PRRC2B: variants seen among roughly 807,000 people sequenced by gnomAD.
PRRC2B encodes proline rich coiled-coil 2B.
In PRRC2B, 68 loss-of-function variants were observed where a neutral mutation model predicts 242.3. That is an observed-to-expected ratio of 0.28 (90% CI 0.23 to 0.34). The LOEUF (loss-of-function observed/expected upper bound fraction) is 0.34. Among genes scored for constraint, PRRC2B ranks in the 10% least tolerant of loss-of-function variants. The pLI is 1.00. For missense variants in PRRC2B, 2,835 were observed against 2,954.8 expected, an observed-to-expected ratio of 0.96 and a Z score of 0.94; for synonymous variants, 1,228 against 1,173.6, an observed-to-expected ratio of 1.05 and a Z score of -0.95.
intron 28 of PRRC2B, 44 bp downstream of exon 28, chr9:131,488,140 C>T (rs768034567): frequency 3.7e-5 from 58 of 1,573,104 alleles, no homozygotes; most frequent in Non-Finnish European, 4.8e-5. Flanking sequence ...GGCTTCTTTC[C>T]TTCACGACCT....
At chr9:131,393,110 A>C (rs1836932677), upstream of PRRC2B, among the ~76,000 whole-genome samples, 1 of 152,158 alleles carries the variant, frequency 6.6e-6, no homozygotes, top group Admixed American at 6.6e-5. Context: ...TTCTGGGTCC[A>C]GCAGTGTGGC....
chr9:131,459,893 TG>T (rs1212982651), intron 11 of PRRC2B, among the ~76,000 whole-genome samples: 1 of 145,736 alleles, frequency 6.9e-6, no homozygotes, highest in African/African-American at 2.6e-5. Flanking sequence ...TCACACAGTT[TG>T]CAAGGCTGAG....
Position 131,484,994 on chromosome 9 carries a change from A to G in PRRC2B, c.5612A>G (p.Glu1871Gly). 6.2e-7 allele frequency: 1 copy of G among 1,613,576 alleles called. No individual in the cohort carries two copies. Among genetic ancestry groups the G allele is most frequent in the Non-Finnish European group, 8.5e-7 (1 of 1,179,720 alleles). Residue 1871 changes from glutamate (E) to glycine (G), a missense_variant, in exon 25 of 32, where the codon GAG (glutamate) becomes GGG (glycine). By Grantham distance (98) the Glu-to-Gly change is moderately conservative. Transcript: ENST00000683519. Reference sequence around the variant, plus strand: ...TGGGAAAACTCCCCCAGTTTGCCGGAGCAGAGCTCTCCAGGCGGCGCTGGC... The same window carrying G: ...TGGGAAAACTCCCCCAGTTTGCCGGGGCAGAGCTCTCCAGGCGGCGCTGGC... ...KAWENSPSLP[E>G]QSSPGGAGSG...
chr9:131,469,652 C>T (rs552214836), intron 13 of PRRC2B, among the ~76,000 whole-genome samples: 4 of 152,266 alleles, frequency 2.6e-5, no homozygotes, highest in Admixed American at 6.5e-5. Context: ...TGCTGGAGGC[C>T]GTTTGGGTGT....
At chr9:131,470,628 G>T (rs1042802992) in intron 13 of PRRC2B, among the ~76,000 whole-genome samples, 160 bp from the exon 14 acceptor site, 3 of 152,062 alleles carry the variant, frequency 2.0e-5, no homozygotes, top group African/African-American at 7.2e-5. Flanking sequence ...ACACACTGGG[G>T]GCTTCCCCTT....
chr9:131,442,245 G>A (rs956441478), intron 5 of PRRC2B, among the ~76,000 whole-genome samples: 2 of 151,796 alleles, frequency 1.3e-5, no homozygotes, highest in Non-Finnish European at 2.9e-5. Context: ...CAATCTTCCC[G>A]CCTCAGCCTC....
At position 131,458,510 on chromosome 9, in the gene PRRC2B, T is replaced by A. The variant is rs368286476; in HGVS notation, c.1212-654T>A. 8.4e-4 allele frequency among the ~76,000 whole-genome samples: 128 copies of A among 152,274 alleles called. 1 individual carries two copies. The East Asian group carries it at 0.015, about 17-fold the overall frequency. Reference sequence around the variant, plus strand: ...ACCTCATAATGTGTTTTTATTTTTTTTTTTTTCTGAGACGGAGTCTCTCTC... The same window carrying A: ...ACCTCATAATGTGTTTTTATTTTTTATTTTTTCTGAGACGGAGTCTCTCTC... On this transcript the variant is annotated intron_variant, in intron 10 of 31. Coordinates refer to ENST00000683519, the MANE Select transcript of PRRC2B (RefSeq NM_013318.4).
At chr9:131,408,495 C>G (rs960039630) in intron 1 of PRRC2B, among the ~76,000 whole-genome samples, 1 of 152,096 alleles carries the variant, frequency 6.6e-6, no homozygotes, top group African/African-American at 2.4e-5. Context: ...GTATTTTTAT[C>G]TTTTAATTTT....
intron 5 of PRRC2B, 83 bp from the exon 6 acceptor site, chr9:131,444,094 AGGCAACAC>A: frequency 2.0e-6 from 3 of 1,463,830 alleles, no homozygotes; most frequent in Non-Finnish European, 1.9e-6. Flanking sequence ...GCCCACTTCC[AGGCAACAC>A]GGCTTTCAAG....
At chr9:131,456,085 C>A (rs976573573) in intron 10 of PRRC2B, among the ~76,000 whole-genome samples, 1 of 151,606 alleles carries the variant, frequency 6.6e-6, no homozygotes, top group Admixed American at 6.6e-5. Flanking sequence ...TGTACTTCAG[C>A]CTGGGCGACA....
chr9:131,436,842 C>A, intron 4 of PRRC2B, 120 bp downstream of exon 4: 1 of 749,822 alleles, frequency 1.3e-6, no homozygotes, highest in Non-Finnish European at 2.2e-6. Flanking sequence ...CCTGTCTATT[C>A]CAGAGGCACA....
chr9:131,470,840 AC>A lies in PRRC2B; in HGVS notation c.1969del (p.Gln657SerfsTer19). 1 of 1,294,714 alleles carries A rather than the reference AC, an allele frequency of 7.7e-7. No homozygotes were observed. The highest frequency in any genetic ancestry group is 1.1e-6 in the Non-Finnish European group (1 of 946,882). 80.2% of individuals were successfully genotyped at this position (1,294,714 alleles called of 1,614,324 possible). A position where few individuals can be genotyped will look rare whatever the true frequency, so the allele number is the denominator to read the frequency against. ...CAGCCGGTGTACCCCCCGCCGTCCCACCCCCAGCGCACCTTTTACCCACACC... is the reference window on the plus strand; with the variant it reads ...CAGCCGGTGTACCCCCCGCCGTCCCACCCCAGCGCACCTTTTACCCACACC... ...HWQPVYPPPS[H>X]PQRTFYPHHP... On this transcript the variant is annotated frameshift_variant, in exon 14 of 32. Transcript: ENST00000683519. LOFTEE classifies it high-confidence loss of function.
At chr9:131,450,550 C>CCA (rs1345419580) in intron 9 of PRRC2B, among the ~76,000 whole-genome samples, 1 of 150,894 alleles carries the variant, frequency 6.6e-6, no homozygotes, top group Non-Finnish European at 1.5e-5. Context: ...CAGGCGTGAG[C>CCA]CACTGCACCC....
chr9:131,445,213 T>G (rs1564286241), intron 6 of PRRC2B, among the ~76,000 whole-genome samples: 1 of 151,428 alleles, frequency 6.6e-6, no homozygotes, highest in South Asian at 2.1e-4. Context: ...CAGGGTGGAG[T>G]GCAATGGTGC....
intron 1 of PRRC2B, among the ~76,000 whole-genome samples, chr9:131,379,303 A>G (rs1836725327): frequency 6.6e-6 from 1 of 152,174 alleles, no homozygotes; most frequent in Admixed American, 6.6e-5. Flanking sequence ...GTTGGGGTAT[A>G]TATCCAGGAG....
At chr9:131,471,128 C>G in intron 14 of PRRC2B, 145 bp downstream of exon 14, 1 of 567,474 alleles carries the variant, frequency 1.8e-6, no homozygotes, top group Non-Finnish European at 3.1e-6. Context: ...TCAAAGTAGT[C>G]ACTTGCAAAG....
At position 131,470,913 on chromosome 9, in the gene PRRC2B, C is replaced by T. The variant is rs368026975; in HGVS notation, c.2037C>T (p.Ser679=). The stretch of plus-strand genomic sequence containing the variant: ...ATCCCAGGTGGATGATGATGCCTTC[C>T]TACATGGACCCACGTATCACGCCCA... ...GFDPRWMMMP[S]YMDPRITPTR... is the part of the protein sequence containing the mutation. The change falls in exon 14 of 32, where the codon TCC becomes TCT. Residue 679 remains serine (S), a synonymous_variant. Coordinates refer to ENST00000683519, the MANE Select transcript of PRRC2B (RefSeq NM_013318.4). 18 of 1,612,368 alleles carry T rather than the reference C, an allele frequency of 1.1e-5. No homozygotes were observed. The South Asian group carries it at 1.3e-4, about 12-fold the overall frequency.
At chr9:131,450,603 T>C (rs1942882142) in intron 9 of PRRC2B, among the ~76,000 whole-genome samples, 1 of 149,184 alleles carries the variant, frequency 6.7e-6, no homozygotes, top group Non-Finnish European at 1.5e-5. Flanking sequence ...GTTTTTTTTT[T>C]TGGATATGGG....
chr9:131,491,256 A>C, intron 28 of PRRC2B, 169 bp from the exon 29 acceptor site: 1 of 650,880 alleles, frequency 1.5e-6, no homozygotes, highest in South Asian at 2.8e-5. Context: ...ATCCTGGGCG[A>C]TCTCTCCTGT....
Sources: gnomAD v4.1 joint callset for allele counts (sites outside exome capture counted in the v4.1 genomes callset) on GRCh38, gnomAD v4.1.1 for gene constraint, MANE v1.5 for transcripts, NCBI Gene and HGNC (gene_info 2026-07-23, HGNC 2026-07-21) for gene names.